BRD2: variants seen among roughly 807,000 people sequenced by gnomAD.
The protein encoded by BRD2 is bromodomain-containing protein 2.
In BRD2, 15 loss-of-function variants were observed where a neutral mutation model predicts 79.1. The ratio of observed to expected loss-of-function variants is 0.19; its 90% CI spans 0.13 to 0.29. BRD2 has a LOEUF of 0.29. Among genes scored for constraint, BRD2 ranks in the 10% least tolerant of loss-of-function variants. The pLI is 1.00. For missense variants in BRD2, 1,053 were observed against 991.3 expected (o/e 1.06, Z -0.84); for synonymous variants, 488 against 358.6 (o/e 1.36, Z -4.08).
chr6:32,980,185 T>C (rs1582931769), intron 11 of BRD2, 53 bp downstream of exon 11: 3 of 1,583,378 alleles, frequency 1.9e-6, no homozygotes, highest in Non-Finnish European at 2.6e-6. Flanking sequence ...TGAGGAAAGA[T>C]GGTGGGGTCT....
chr6:32,972,103 G>A lies in BRD2; in HGVS notation c.-796G>A, dbSNP rs1005251630. The A allele has an allele frequency of 5.8e-6, 4 of 693,122 alleles. No homozygotes were observed. The highest frequency in any genetic ancestry group is 1.8e-5 in the African/African-American group (1 of 56,872). The allele number at this position is 693,122 out of a possible 1,614,324, so 42.9% of individuals were successfully genotyped here. ...GCGTGAGCGAGCGCGCGCGCGCGGA[G>A]GGGGTGGGGAAAAGCTCAAGCAGGG... is the stretch of plus-strand genomic sequence containing the variant. On this transcript the variant is annotated 5_prime_UTR_variant, in exon 2 of 13. Transcript: ENST00000374825.
chr6:32,980,942 C>CT lies in BRD2; in HGVS notation c.*225dup. Reference sequence around the variant, plus strand: ...ATTCCCAGCCCCATTGGGGAGTGATCTCTTGGACACAGAGCCCCCATTCAA... The same window carrying CT: ...ATTCCCAGCCCCATTGGGGAGTGATCTTCTTGGACACAGAGCCCCCATTCAA... On this transcript the variant is annotated 3_prime_UTR_variant, in exon 13 of 13. Coordinates refer to ENST00000374825, the MANE Select transcript of BRD2 (RefSeq NM_005104.4). The CT allele has an allele frequency of 1.7e-6, 1 of 587,828 alleles. No homozygotes were observed. Among genetic ancestry groups the CT allele is most frequent in the South Asian group, 2.0e-5 (1 of 49,682 alleles). The allele number at this position is 587,828 out of a possible 1,614,324, so 36.4% of individuals were successfully genotyped here.
At position 32,972,089 on chromosome 6, in the gene BRD2, C is replaced by G. The variant is rs1778066540; in HGVS notation, c.-810C>G. 1.6e-6 allele frequency: 1 copy of G among 628,534 alleles called. No homozygotes were observed. 38.9% of individuals were successfully genotyped at this position (628,534 alleles called of 1,614,324 possible). ...CAGCTTCTTCACCCGCGTGAGCGAG[C>G]GCGCGCGCGCGGAGGGGGTGGGGAA... is the stretch of plus-strand genomic sequence containing the variant. On this transcript the variant is annotated 5_prime_UTR_variant, in exon 2 of 13. Transcript: ENST00000374825.
chr6:32,975,661 C>G, intron 4 of BRD2, 140 bp downstream of exon 4: 1 of 1,062,262 alleles, frequency 9.4e-7, no homozygotes, highest in Non-Finnish European at 1.4e-6. Context: ...TCTTAAAAAC[C>G]TGACTCTAGA....
In BRD2 at chr6:32,972,073, C is replaced by T. The variant is rs1350052533; in HGVS notation, c.-826C>T. 5.7e-6 allele frequency: 4 copies of T among 697,762 alleles called. No homozygotes were observed. Among genetic ancestry groups the T allele is most frequent in the Non-Finnish European group, 1.0e-5 (4 of 382,684 alleles). The allele number at this position is 697,762 out of a possible 1,614,324, so 43.2% of individuals were successfully genotyped here. A position where few individuals can be genotyped will look rare whatever the true frequency, so the allele number is the denominator to read the frequency against. The stretch of plus-strand genomic sequence containing the variant: ...TCCTTCCCCTTCGACTCAGCTTCTT[C>T]ACCCGCGTGAGCGAGCGCGCGCGCG... On this transcript the variant is annotated 5_prime_UTR_variant, in exon 2 of 13. Transcript: ENST00000374825.
In BRD2 at chr6:32,977,865, T is replaced by A. The variant is rs1778973850; in HGVS notation, c.1438T>A (p.Ser480Thr). Residue 480 changes from serine to threonine, a missense_variant, in exon 9 of 13, where the codon TCC becomes ACC. Physicochemically the swap from Ser to Thr is moderately conservative, Grantham distance 58. Coordinates refer to ENST00000374825, the MANE Select transcript of BRD2 (RefSeq NM_005104.4). ...PPGLAKSSSE[S>T]SSEESSSESS... The stretch of plus-strand genomic sequence containing the variant: ...TGGCTTGGCCAAATCGTCTTCAGAG[T>A]CCTCCAGTGAGGAAAGTAGCAGTGA... The A allele has an allele frequency of 5.6e-6, 9 of 1,612,724 alleles. No individual in the cohort carries two copies. The East Asian group carries it at 2.0e-4, about 36-fold the overall frequency.
At position 32,976,801 on chromosome 6, in the gene BRD2, C is replaced by T. The variant is rs62407971; in HGVS notation, c.1065C>T (p.Gly355=). Residue 355 remains glycine (G), a synonymous_variant, in exon 7 of 13, where the codon GGC becomes GGT. Transcript: ENST00000374825. ...CAGAACAGTTAAAACATTGCAATGGCATTTTGAAGGAGTTACTCTCTAAGA... is the reference window on the plus strand; with the variant it reads ...CAGAACAGTTAAAACATTGCAATGGTATTTTGAAGGAGTTACTCTCTAAGA... The part of the protein sequence containing the change: ...KLSEQLKHCN[G]ILKELLSKKH... The T allele has an allele frequency of 8.0e-5, 129 of 1,613,092 alleles. No individual in the cohort carries two copies. The highest frequency in any genetic ancestry group is 1.0e-4 in the Non-Finnish European group (121 of 1,180,044).
rs3918140 is a variant in BRD2, at chr6:32,980,685, G to T, written c.2373G>T (p.Ser791=). Residue 791 remains serine, a synonymous_variant, in exon 13 of 13, where the codon TCG becomes TCT. Transcript: ENST00000374825. Reference sequence around the variant, plus strand: ...CCAGCTCCTCCTCTTCCTCGTCGTCGTCTTCAGACACCAGTGATTCAGACT... The same window carrying T: ...CCAGCTCCTCCTCTTCCTCGTCGTCTTCTTCAGACACCAGTGATTCAGACT... ...SDSSSSSSSS[S]SSDTSDSDSG 3 of 1,612,862 alleles carry T rather than the reference G, an allele frequency of 1.9e-6. No homozygotes were observed. In the African/African-American group the frequency reaches 4.0e-5, roughly 22 times the overall value.
chr6:32,973,183 G>A, intron 2 of BRD2: 2 of 1,533,360 alleles, frequency 1.3e-6, no homozygotes, highest in Non-Finnish European at 1.8e-6. Flanking sequence ...AACCGAGTCA[G>A]GCAGAGCTAG....
chr6:32,980,041 G>A lies in BRD2; in HGVS notation c.2055G>A (p.Glu685=), dbSNP rs769750759. Residue 685 remains glutamate (E), a synonymous_variant, in exon 11 of 13, where the codon GAG becomes GAA. Transcript: ENST00000374825. ...GTGATTCAAACCCAGAAGAGATTGA[G>A]ATTGATTTTGAAACACTCAAGCCAT... The part of the protein sequence containing the change: ...SLRDSNPEEI[E]IDFETLKPST... The A allele has an allele frequency of 1.5e-5, 25 of 1,612,934 alleles. No individual in the cohort carries two copies. Among genetic ancestry groups the A allele is most frequent in the Middle Eastern group, 3.3e-4 (2 of 6,084 alleles).
At position 32,972,079 on chromosome 6, in the gene BRD2, C is replaced by G. The variant is rs1332803831; in HGVS notation, c.-820C>G. ...CCCTTCGACTCAGCTTCTTCACCCG[C>G]GTGAGCGAGCGCGCGCGCGCGGAGG... On this transcript the variant is annotated 5_prime_UTR_variant, in exon 2 of 13. Transcript: ENST00000374825. 4.3e-6 allele frequency: 3 copies of G among 696,236 alleles called. No individual in the cohort carries two copies. The highest frequency in any genetic ancestry group is 7.9e-6 in the Non-Finnish European group (3 of 381,882). 43.1% of individuals were successfully genotyped at this position (696,236 alleles called of 1,614,324 possible). A position where few individuals can be genotyped will look rare whatever the true frequency, so the allele number is the denominator to read the frequency against.
chr6:32,973,943 G>A (rs989115935), intron 2 of BRD2, among the ~76,000 whole-genome samples: 1 of 152,122 alleles, frequency 6.6e-6, no homozygotes. Context: ...CCCAGACCTT[G>A]TGGAAGATGG....
rs200980274 is a variant in BRD2, at chr6:32,978,198, A to G, written c.1651A>G (p.Lys551Glu). ...PISKPKRKREKKEKKKKRKAE... is the reference protein window; with the variant it reads ...PISKPKRKREEKEKKKKRKAE... ...ATCCAAGCCCAAGAGGAAAAGAGAGAAAAAAGAGAAAAAGAAGAAACGGAA... is the reference window on the plus strand; with the variant it reads ...ATCCAAGCCCAAGAGGAAAAGAGAGGAAAAAGAGAAAAAGAAGAAACGGAA... Residue 551 changes from lysine (K) to glutamate (E), a missense_variant, in exon 10 of 13, where the codon AAA becomes GAA. Around this residue, in one of 5 missense-constraint regions of BRD2, gnomAD observed 454 missense variants for 430.5 expected, o/e 1.05. Coordinates refer to ENST00000374825, the MANE Select transcript of BRD2 (RefSeq NM_005104.4). The G allele has an allele frequency of 3.0e-5, 48 of 1,612,798 alleles. No homozygotes were observed. The highest frequency in any genetic ancestry group is 2.2e-5 in the East Asian group (1 of 44,902).
chr6:32,976,688 A>G lies in BRD2; in HGVS notation c.952A>G (p.Arg318Gly), dbSNP rs754607703. 1 of 1,613,190 alleles carries G rather than the reference A, an allele frequency of 6.2e-7. No individual in the cohort carries two copies. The highest frequency in any genetic ancestry group is 8.5e-7 in the Non-Finnish European group (1 of 1,180,032). Residue 318 changes from arginine to glycine, a missense_variant, in exon 7 of 13, where the codon AGA becomes GGA. Physicochemically the swap from Arg to Gly is moderately radical, Grantham distance 125. This residue lies in a region of BRD2 where 454 missense variants were observed against 430.5 expected (regional missense o/e 1.05). Coordinates refer to ENST00000374825, the MANE Select transcript of BRD2 (RefSeq NM_005104.4). ...GGCAGCACGGCTTCCCCCTATGCGT[A>G]GAGAGAGTGGTCGCCCCATCAAGCC... ...PKAARLPPMR[R>G]ESGRPIKPPR...
chr6:32,977,941 A>G lies in BRD2; in HGVS notation c.1514A>G (p.Glu505Gly), dbSNP rs888514845. Reference protein sequence around the residue: ...EEEDEEDEEEEESESSDSEEE... With the variant: ...EEEDEEDEEEGESESSDSEEE... Reference sequence around the variant, plus strand: ...GAAGATGAGGAGGACGAGGAGGAAGAAGAGAGTGAAAGCTCAGACTCAGAG... The same window carrying G: ...GAAGATGAGGAGGACGAGGAGGAAGGAGAGAGTGAAAGCTCAGACTCAGAG... Residue 505 changes from glutamate to glycine, a missense_variant, in exon 9 of 13, where the codon GAA becomes GGA. Physicochemically the swap from Glu to Gly is moderately conservative, Grantham distance 98. Transcript: ENST00000374825. 1.2e-6 allele frequency: 2 copies of G among 1,612,698 alleles called. No homozygotes were observed. The highest frequency in any genetic ancestry group is 1.7e-6 in the Non-Finnish European group (2 of 1,180,020).
intron 10 of BRD2, 73 bp downstream of exon 10, chr6:32,978,461 A>G: frequency 6.4e-7 from 1 of 1,551,650 alleles, no homozygotes; most frequent in Non-Finnish European, 8.7e-7. Flanking sequence ...TCTCTTTGCA[A>G]AGATAATTCT....
rs748625872 is a variant in BRD2, at chr6:32,974,726, A to G, written c.294A>G (p.Pro98=). 3.1e-6 allele frequency: 5 copies of G among 1,614,158 alleles called. No individual in the cohort carries two copies. The highest frequency in any genetic ancestry group is 3.3e-5 in the Admixed American group (2 of 60,032). ...KALWKHQFAW[P]FRQPVDAVKL... is the part of the protein sequence containing the mutation. Reference sequence around the variant, plus strand: ...TGTGGAAACATCAGTTCGCATGGCCATTCCGGCAGCCTGTGGATGCTGTCA... The same window carrying G: ...TGTGGAAACATCAGTTCGCATGGCCGTTCCGGCAGCCTGTGGATGCTGTCA... Residue 98 remains proline, a synonymous_variant, in exon 3 of 13, where the codon CCA becomes CCG. Transcript: ENST00000374825.
rs767217604 is a variant in BRD2 at position 32,976,319 on chromosome 6, A to T, written c.680A>T (p.Tyr227Phe). The change falls in exon 6 of 13, where the codon TAT (tyrosine) becomes TTT (phenylalanine). Residue 227 changes from tyrosine (Y) to phenylalanine (F), a missense_variant. This residue lies in a region of BRD2 where 413 missense variants were observed against 335.1 expected (regional missense o/e 1.23). Transcript: ENST00000374825. ...AVSSVSHTAL[Y>F]TPPPEIPTTV... ...TCTTCTGTGTCACACACAGCCCTGTATACTCCTCCACCTGAGATACCTACC... is the reference window on the plus strand; with the variant it reads ...TCTTCTGTGTCACACACAGCCCTGTTTACTCCTCCACCTGAGATACCTACC... 2 of 1,612,988 alleles carry T rather than the reference A, an allele frequency of 1.2e-6. No individual in the cohort carries two copies. Among genetic ancestry groups the T allele is most frequent in the Admixed American group, 3.3e-5 (2 of 60,022 alleles).
Position 32,980,451 on chromosome 6 carries a change from G to GCCC in BRD2, c.2260_2262dup (p.Pro754dup). 6.2e-7 allele frequency: 1 copy of GCCC among 1,613,002 alleles called. No homozygotes were observed. The highest frequency in any genetic ancestry group is 2.2e-5 in the East Asian group (1 of 44,886). Reference sequence around the variant, plus strand: ...GCGGACAGCTCAATTCTACTAAAAAGCCCCCCAAGAAAGGTGAGTATATAC... The same window carrying GCCC: ...GCGGACAGCTCAATTCTACTAAAAAGCCCCCCCCCAAGAAAGGTGAGTATATAC... On this transcript the variant is annotated inframe_insertion, in exon 12 of 13. Transcript: ENST00000374825.
Sources: gnomAD v4.1 joint callset for allele counts (sites outside exome capture counted in the v4.1 genomes callset) on GRCh38, gnomAD v4.1.1 for gene constraint, gnomAD v4.1.1 regional missense constraint, MANE v1.5 for transcripts, NCBI Gene and HGNC (gene_info 2026-07-23, HGNC 2026-07-21) for gene names.